Variants in MGAT4C observed in about 807,000 individuals in gnomAD.
MGAT4C encodes MGAT4 family member C, also known as alpha-1,3-mannosyl-glycoprotein 4-beta-N-acetylglucosaminyltransferase C.
MGAT4C carries 19 observed loss-of-function variants against 40.1 expected under a neutral mutation model. The ratio of observed to expected loss-of-function variants is 0.47; its 90% CI spans 0.33 to 0.70. MGAT4C has a LOEUF of 0.70. MGAT4C is among the 30% of genes least tolerant of loss of function. The pLI is 0.02. For synonymous variants in MGAT4C, 181 were observed against 187.1 expected (o/e 0.97, Z 0.27); for missense variants, 491 against 563.2 (o/e 0.87, Z 1.30).
At chr12:86,742,605 T>A (rs968008079) in intron 1 of MGAT4C, among the ~76,000 whole-genome samples, 1 of 151,406 alleles carries the variant, frequency 6.6e-6, no homozygotes, top group Non-Finnish European at 1.5e-5. Flanking sequence ...TTAGCCTAAA[T>A]GAGATTAGTG....
chr12:86,734,037 T>A (rs1303720141), intron 1 of MGAT4C, among the ~76,000 whole-genome samples: 3 of 151,962 alleles, frequency 2.0e-5, no homozygotes, highest in Admixed American at 2.0e-4. Flanking sequence ...ACAGCTAAGG[T>A]AGGATGGGAA....
intron 1 of MGAT4C, among the ~76,000 whole-genome samples, chr12:86,738,878 T>G (rs1024763631): frequency 6.6e-6 from 1 of 151,038 alleles, no homozygotes; most frequent in Admixed American, 6.6e-5. Context: ...AAAGCCCGTT[T>G]ATATTTTTTT....
At chr12:86,524,070 T>C (rs1237084382) in intron 2 of MGAT4C, among the ~76,000 whole-genome samples, 1 of 152,176 alleles carries the variant, frequency 6.6e-6, no homozygotes, top group East Asian at 1.9e-4. Flanking sequence ...AATTGGGTCA[T>C]ATAGCTAGCT....
At chr12:86,007,725 ATGT>A (rs1348919943) in intron 2 of MGAT4C, among the ~76,000 whole-genome samples, 5 of 152,110 alleles carry the variant, frequency 3.3e-5, no homozygotes, top group African/African-American at 1.2e-4. Flanking sequence ...GCCATTTTTA[ATGT>A]TGTTGATAAA....
intron 1 of MGAT4C, among the ~76,000 whole-genome samples, chr12:86,837,057 T>C (rs1953051767): frequency 6.6e-6 from 1 of 152,134 alleles, no homozygotes; most frequent in Non-Finnish European, 1.5e-5. Flanking sequence ...TGTATGTAGT[T>C]TCAGAGAGTG....
In MGAT4C at chr12:85,977,047, T is replaced by C. The variant is rs1218703058; in HGVS notation, c.*2242A>G. On this transcript the variant is annotated 3_prime_UTR_variant, in exon 5 of 5. Transcript: ENST00000611864. Reference sequence around the variant, plus strand: ...AAACACAGGTTTAGTAAAGAGAGGATATAAAGATAAAATGTGAAATGACCT... The same window carrying C: ...AAACACAGGTTTAGTAAAGAGAGGACATAAAGATAAAATGTGAAATGACCT... 1 of 151,282 alleles carries C rather than the reference T, an allele frequency of 6.6e-6. No homozygotes were observed. Among genetic ancestry groups the C allele is most frequent in the African/African-American group, 2.4e-5 (1 of 41,346 alleles). The allele number at this position is 151,282 out of a possible 1,614,324, so 9.4% of individuals were successfully genotyped here.
rs535257876 is a variant in MGAT4C at position 86,562,122 on chromosome 12, T to C, written c.-228-126857A>G. Among the ~76,000 whole-genome samples, 410 of 152,220 alleles carry C rather than the reference T, an allele frequency of 2.7e-3. 11 individuals carry two copies. The South Asian group carries it at 0.063, about 23-fold the overall frequency. On this transcript the variant is annotated intron_variant, in intron 2 of 7. Transcript: ENST00000548651. ...GCTGCTCTAAGTTCACTGGACAAAG[T>C]GATGAAAGAAAATGAAATTCTCAGG...
At chr12:86,103,015 G>A (rs140492569) in intron 1 of MGAT4C, among the ~76,000 whole-genome samples, 65 of 152,144 alleles carry the variant, frequency 4.3e-4, no homozygotes, top group African/African-American at 1.3e-3. Flanking sequence ...CTAATATTAC[G>A]TATTTTTATT....
chr12:86,013,212 T>C (rs1230686486), intron 2 of MGAT4C, among the ~76,000 whole-genome samples: 1 of 152,098 alleles, frequency 6.6e-6, no homozygotes, highest in Non-Finnish European at 1.5e-5. Flanking sequence ...AAAGTAATAC[T>C]TCAAAATATA....
chr12:86,195,794 C>A (rs572130703), intron 1 of MGAT4C, among the ~76,000 whole-genome samples: 24 of 152,130 alleles, frequency 1.6e-4, no homozygotes, highest in Middle Eastern at 6.8e-3. Flanking sequence ...AGGTGACTCA[C>A]AAAATATATG....
chr12:86,314,423 A>G (rs1450232165), intron 4 of MGAT4C, among the ~76,000 whole-genome samples: 2 of 152,220 alleles, frequency 1.3e-5, no homozygotes, highest in Non-Finnish European at 2.9e-5. Flanking sequence ...CCTATTCAAC[A>G]TACCACTGGA....
intron 1 of MGAT4C, among the ~76,000 whole-genome samples, chr12:86,818,141 A>G (rs1012663280): frequency 6.6e-6 from 1 of 151,344 alleles, no homozygotes; most frequent in Non-Finnish European, 1.5e-5. Flanking sequence ...AAATGTGCCA[A>G]TAAAGATACA....
intron 4 of MGAT4C, among the ~76,000 whole-genome samples, chr12:86,285,273 G>C (rs1050467769): frequency 9.2e-5 from 14 of 151,948 alleles, no homozygotes; most frequent in African/African-American, 3.1e-4. Context: ...CCTGTTAAGA[G>C]AGCTTAAAGT....
chr12:86,215,449 G>A (rs1479974170), intron 1 of MGAT4C, among the ~76,000 whole-genome samples: 1 of 152,126 alleles, frequency 6.6e-6, no homozygotes, highest in Non-Finnish European at 1.5e-5. Context: ...TAAAGGAACT[G>A]CAATCTAAAT....
chr12:86,376,764 C>T (rs1254262109), intron 3 of MGAT4C, among the ~76,000 whole-genome samples: 1 of 137,570 alleles, frequency 7.3e-6, no homozygotes, highest in Admixed American at 7.7e-5. Context: ...GTACCTACAT[C>T]AAAGAGCAAG....
chr12:86,055,249 A>C (rs1293713570), intron 1 of MGAT4C, among the ~76,000 whole-genome samples: 3 of 152,094 alleles, frequency 2.0e-5, no homozygotes, highest in Admixed American at 6.6e-5. Context: ...ATTTACATAA[A>C]GCACTGTGTT....
intron 4 of MGAT4C, among the ~76,000 whole-genome samples, chr12:86,298,548 T>C (rs1375329533): frequency 6.6e-6 from 1 of 152,130 alleles, no homozygotes; most frequent in African/African-American, 2.4e-5. Context: ...TCTCATAACA[T>C]CATTTATTAT....
intron 2 of MGAT4C, among the ~76,000 whole-genome samples, chr12:86,489,037 C>T (rs980562938): frequency 6.6e-6 from 1 of 152,128 alleles, no homozygotes; most frequent in Non-Finnish European, 1.5e-5. Flanking sequence ...CTCTGAATAA[C>T]ATCTTTTTGC....
chr12:86,376,735 CA>C lies in MGAT4C; in HGVS notation c.-119-42609del, dbSNP rs1417080391. Among the ~76,000 whole-genome samples, 8 of 151,204 alleles carry C rather than the reference CA, an allele frequency of 5.3e-5. No homozygotes were observed. The South Asian group carries it at 1.7e-3, about 32-fold the overall frequency. The stretch of plus-strand genomic sequence containing the variant: ...CAGGACTTAAGGGGTAAAGTGATGA[CA>C]CTCCCCTCCCCATGTACGTACCTAC... On this transcript the variant is annotated intron_variant, in intron 3 of 7. Transcript: ENST00000548651.
Sources: gnomAD v4.1 joint callset for allele counts (sites outside exome capture counted in the v4.1 genomes callset) on GRCh38, gnomAD v4.1.1 for gene constraint, MANE v1.5 for transcripts, NCBI Gene and HGNC (gene_info 2026-07-23, HGNC 2026-07-21) for gene names.